HDLBP: variants seen among roughly 807,000 people sequenced by gnomAD.
HDLBP encodes the protein high density lipoprotein binding protein, also known as vigilin.
Under a neutral mutation model 137.3 loss-of-function variants are expected in HDLBP, and 30 were observed. That is an observed-to-expected ratio of 0.22 (90% CI 0.16 to 0.30). The LOEUF (loss-of-function observed/expected upper bound fraction) is 0.30. Among genes scored for constraint, HDLBP ranks in the 10% least tolerant of loss-of-function variants. The pLI, the probability that HDLBP is intolerant of heterozygous loss-of-function variation, is 1.00. For synonymous variants in HDLBP, 606 were observed against 596.0 expected (o/e 1.02, Z -0.24); for missense variants, 1,119 against 1,667.3 (o/e 0.67, Z 5.73).
At chr2:241,304,253 G>T (rs553379714) in intron 1 of HDLBP, among the ~76,000 whole-genome samples, 7 of 152,194 alleles carry the variant, frequency 4.6e-5, no homozygotes, top group Non-Finnish European at 1.0e-4. Flanking sequence ...CCAAGTAAAA[G>T]CATCACCAAT....
At chr2:241,283,702 C>T (rs1164151682) in intron 1 of HDLBP, among the ~76,000 whole-genome samples, 1 of 152,028 alleles carries the variant, frequency 6.6e-6, no homozygotes, top group Non-Finnish European at 1.5e-5. Context: ...TCTCGATCTC[C>T]TGACCTCGTG....
At chr2:241,305,760 GTTTT>G (rs1195214073) in intron 1 of HDLBP, among the ~76,000 whole-genome samples, 2 of 135,986 alleles carry the variant, frequency 1.5e-5, no homozygotes, top group Non-Finnish European at 1.6e-5. Flanking sequence ...TTGTTTATTT[GTTTT>G]TTTTTTTTTT....
At chr2:241,246,547 C>T in intron 16 of HDLBP, 1 of 521,230 alleles carries the variant, frequency 1.9e-6, no homozygotes, top group Non-Finnish European at 3.4e-6. Flanking sequence ...AATGTTACTG[C>T]TGCAGGGTCC....
At position 241,239,576 on chromosome 2, in the gene HDLBP, C is replaced by T. The variant is rs747707845; in HGVS notation, c.2610+26G>A. 1.9e-6 allele frequency: 3 copies of T among 1,598,910 alleles called. No homozygotes were observed. The highest frequency in any genetic ancestry group is 1.3e-5 in the African/African-American group (1 of 74,636). On this transcript the variant is annotated intron_variant, in intron 19 of 27. Coordinates refer to ENST00000310931, the MANE Select transcript of HDLBP (RefSeq NM_005336.6). This position sits in a 1 kb window ranked among gnomAD's most constrained non-coding sequence, Gnocchi z 4.6. The stretch of plus-strand genomic sequence containing the variant: ...TGAGTGGCCACTGGGGGGTGAGAAC[C>T]CCTCCCCGAGCACCCAAGTGCCTAC...
At chr2:241,309,042 A>G (rs1314874499) in intron 1 of HDLBP, among the ~76,000 whole-genome samples, 1 of 151,498 alleles carries the variant, frequency 6.6e-6, no homozygotes, top group Non-Finnish European at 1.5e-5. Flanking sequence ...CCTCCTGTCC[A>G]TTCCTCTTAT....
intron 1 of HDLBP, among the ~76,000 whole-genome samples, chr2:241,285,546 C>T (rs779643506): frequency 7.9e-5 from 12 of 152,152 alleles, no homozygotes; most frequent in African/African-American, 2.9e-4. Context: ...CCCTGAACAC[C>T]GATCCCCACC....
At chr2:241,267,933 A>C in intron 2 of HDLBP, 2 of 985,428 alleles carry the variant, frequency 2.0e-6, no homozygotes, top group South Asian at 4.7e-5. Flanking sequence ...CAGCTCCCTT[A>C]TGTGAAAAAT....
intron 1 of HDLBP, 55 bp from the exon 2 acceptor site, chr2:241,268,596 T>C: frequency 1.6e-6 from 1 of 643,150 alleles, no homozygotes; most frequent in Non-Finnish European, 1.9e-6. Flanking sequence ...GAAAAGTTAC[T>C]TATCTACATT....
chr2:241,302,364 C>G (rs2075425360), intron 1 of HDLBP, among the ~76,000 whole-genome samples: 1 of 151,936 alleles, frequency 6.6e-6, no homozygotes, highest in African/African-American at 2.4e-5. Context: ...ACAAGACCAG[C>G]CTGGGCAACA....
Position 241,272,685 on chromosome 2 carries a change from C to A in HDLBP, c.-102-4144G>T, listed in dbSNP as rs1237900823. ...GGCCTCCACGTCAGCAGCCACCCCC[C>A]ACCCCCCCGCCCGGCAGCCCGCCCG... On this transcript the variant is annotated intron_variant, in intron 1 of 27. Transcript: ENST00000310931. The surrounding 1 kb of genome is among the most constrained non-coding windows in gnomAD (Gnocchi z 5.6). 9.0e-6 allele frequency: 7 copies of A among 778,822 alleles called. No homozygotes were observed. Among genetic ancestry groups the A allele is most frequent in the Non-Finnish European group, 1.1e-5 (7 of 647,246 alleles). 48.2% of individuals were successfully genotyped at this position (778,822 alleles called of 1,614,324 possible).
chr2:241,228,726 G>A lies in HDLBP; in HGVS notation c.*875C>T. The stretch of plus-strand genomic sequence containing the variant: ...GGCAACTGAACACACAGCAGCTAGG[G>A]CAGGGGCAGGGAGGGGCTGCAGGTG... On this transcript the variant is annotated 3_prime_UTR_variant, in exon 28 of 28. Coordinates refer to ENST00000310931, the MANE Select transcript of HDLBP (RefSeq NM_005336.6). 1 of 153,196 alleles carries A rather than the reference G, an allele frequency of 6.5e-6. No individual in the cohort carries two copies. Among genetic ancestry groups the A allele is most frequent in the Non-Finnish European group, 1.5e-5 (1 of 68,296 alleles). The allele number at this position is 153,196 out of a possible 1,614,324, so 9.5% of individuals were successfully genotyped here.
Position 241,240,060 on chromosome 2 carries a change from G to C in HDLBP, c.2232C>G (p.Gly744=). 3 of 1,614,186 alleles carry C rather than the reference G, an allele frequency of 1.9e-6. No individual in the cohort carries two copies. Among genetic ancestry groups the C allele is most frequent in the Middle Eastern group, 1.6e-4 (1 of 6,062 alleles). ...AKPEYHKFLI[G]KGGGKIRKVR... ...CCTTGCGAATTTTGCCGCCCCCCTTGCCGATGAGGAATTTGTGGTATTCTG... is the reference window on the plus strand; with the variant it reads ...CCTTGCGAATTTTGCCGCCCCCCTTCCCGATGAGGAATTTGTGGTATTCTG... Residue 744 remains glycine, a synonymous_variant, in exon 18 of 28, where the codon GGC becomes GGG. Transcript: ENST00000310931. This position sits in a 1 kb window ranked among gnomAD's most constrained non-coding sequence, Gnocchi z 5.5.
Position 241,272,638 on chromosome 2 carries a change from A to G in HDLBP, c.-102-4097T>C, listed in dbSNP as rs1263126051. 1 of 957,066 alleles carries G rather than the reference A, an allele frequency of 1.0e-6. No individual in the cohort carries two copies. Among genetic ancestry groups the G allele is most frequent in the Non-Finnish European group, 1.2e-6 (1 of 808,448 alleles). The allele number at this position is 957,066 out of a possible 1,614,324, so 59.3% of individuals were successfully genotyped here. A position where few individuals can be genotyped will look rare whatever the true frequency, so the allele number is the denominator to read the frequency against. ...CTGGGGCCCGGGTGGGGGCCGCGGC[A>G]CCCGGGCCCCTCCCCCTCCGCGGCC... On this transcript the variant is annotated intron_variant, in intron 1 of 27. Coordinates refer to ENST00000310931, the MANE Select transcript of HDLBP (RefSeq NM_005336.6). The surrounding 1 kb of genome is among the most constrained non-coding windows in gnomAD (Gnocchi z 5.6).
intron 1 of HDLBP, among the ~76,000 whole-genome samples, chr2:241,276,275 T>A (rs2074383630): frequency 6.6e-6 from 1 of 152,190 alleles, no homozygotes; most frequent in Admixed American, 6.5e-5. Context: ...ACATTCAAAC[T>A]AAACTCTTAC....
At position 241,270,411 on chromosome 2, in the gene HDLBP, A is replaced by G. The variant is rs962307656; in HGVS notation, c.-102-1870T>C. Among the ~76,000 whole-genome samples, 6 of 152,232 alleles carry G rather than the reference A, an allele frequency of 3.9e-5. No homozygotes were observed. The South Asian group carries it at 1.2e-3, about 31-fold the overall frequency. ...CAGAGCGTGTAACGAATGGTTCACAACTAGAGACACATTTAACATCTAGGG... is the reference window on the plus strand; with the variant it reads ...CAGAGCGTGTAACGAATGGTTCACAGCTAGAGACACATTTAACATCTAGGG... On this transcript the variant is annotated intron_variant, in intron 1 of 27. Transcript: ENST00000310931.
Position 241,262,764 on chromosome 2 carries a change from G to A in HDLBP, c.397C>T (p.Leu133=). The A allele has an allele frequency of 6.2e-7, 1 of 1,614,178 alleles. No homozygotes were observed. Among genetic ancestry groups the A allele is most frequent in the Non-Finnish European group, 8.5e-7 (1 of 1,180,038 alleles). The change falls in exon 5 of 28, where the codon CTG becomes TTG. Residue 133 remains leucine (L), a synonymous_variant. Coordinates refer to ENST00000310931, the MANE Select transcript of HDLBP (RefSeq NM_005336.6). ...TTCCGAGCTTTCATGACAGCATCCA[G>A]CTTTCCTGACACCATGATGGAGAGG... is the stretch of plus-strand genomic sequence containing the variant. ...QGLSIMVSGK[L]DAVMKARKDI... is the part of the protein sequence containing the mutation.
chr2:241,280,035 TGGA>T (rs904406712), intron 1 of HDLBP: 1 of 985,232 alleles, frequency 1.0e-6, no homozygotes, highest in African/African-American at 1.7e-5. Context: ...AGCAGAGATG[TGGA>T]GGACAGGCGC....
Position 241,240,167 on chromosome 2 carries a change from G to A in HDLBP, c.2170-45C>T. Reference sequence around the variant, plus strand: ...TGTGTTAGCCTGACACCACGTGCCTGGACCACAGTGAGGAAGACAAGAGGG... The same window carrying A: ...TGTGTTAGCCTGACACCACGTGCCTAGACCACAGTGAGGAAGACAAGAGGG... On this transcript the variant is annotated intron_variant, in intron 17 of 27. Coordinates refer to ENST00000310931, the MANE Select transcript of HDLBP (RefSeq NM_005336.6). The surrounding 1 kb of genome is among the most constrained non-coding windows in gnomAD (Gnocchi z 5.5). 1 of 1,576,980 alleles carries A rather than the reference G, an allele frequency of 6.3e-7. No individual in the cohort carries two copies. The highest frequency in any genetic ancestry group is 1.3e-5 in the African/African-American group (1 of 74,256).
At chr2:241,249,147 G>C (rs1185223447) in intron 12 of HDLBP, among the ~76,000 whole-genome samples, 1 of 152,166 alleles carries the variant, frequency 6.6e-6, no homozygotes, top group Non-Finnish European at 1.5e-5. Context: ...ATGCAGCTCA[G>C]GGCTATAAAA....
Sources: allele counts gnomAD v4.1 joint callset (sites outside exome capture counted in the v4.1 genomes callset), GRCh38; gene constraint gnomAD v4.1.1; non-coding constraint Gnocchi (gnomAD v3.1); transcripts MANE v1.5; gene names NCBI Gene and HGNC (gene_info 2026-07-23, HGNC 2026-07-21).